The following PHF8 variants were observed in gnomAD, a reference collection of about 807,000 sequenced individuals.
The protein encoded by PHF8 is PHD finger protein 8, also known as histone lysine demethylase PHF8.
Under a neutral mutation model 74.4 loss-of-function variants are expected in PHF8, and 9 were observed. The observed-to-expected ratio is 0.12, with a 90% confidence interval of 0.07 to 0.21. The LOEUF is 0.21. PHF8 is among the 10% of genes least tolerant of loss of function. The probability of loss-of-function intolerance (pLI) is 1.00; values close to 1 mark genes in which losing one functional copy is unlikely to be tolerated. For synonymous variants in PHF8, 311 were observed against 316.6 expected (o/e 0.98, Z 0.19); for missense variants, 478 against 816.6 (o/e 0.59, Z 5.05).
At chrX:54,029,452 C>T (rs1198485575) in intron 2 of PHF8, among the ~76,000 whole-genome samples, 2 of 112,508 alleles carry the variant, frequency 1.8e-5, no homozygotes, top group East Asian at 5.5e-4. Flanking sequence ...ACTGCATAGC[C>T]CACTTACAAT....
chrX:54,004,639 A>G (rs1012063695), intron 8 of PHF8, among the ~76,000 whole-genome samples: 3 of 111,647 alleles, frequency 2.7e-5, no homozygotes, highest in Admixed American at 9.5e-5. Flanking sequence ...AATGAAAAGT[A>G]CTGTATCTGG....
At chrX:53,943,328 A>G (rs1557084106) in intron 20 of PHF8, 1 of 879,916 alleles carries the variant, frequency 1.1e-6, no homozygotes, top group Non-Finnish European at 1.6e-6. Context: ...GTTAGAGGAT[A>G]TGAGTTTGAG....
chrX:54,020,777 T>TAA (rs56114966), intron 4 of PHF8, among the ~76,000 whole-genome samples: 8 of 103,325 alleles, frequency 7.7e-5, no homozygotes, highest in South Asian at 4.1e-4. Flanking sequence ...TGAAAAGAAG[T>TAA]AAAAAAAAAA....
chrX:54,016,562 G>T (rs975203673), intron 6 of PHF8, 33 bp downstream of exon 6: 12 of 1,148,876 alleles, frequency 1.0e-5, no homozygotes, highest in Middle Eastern at 2.4e-4. Context: ...CAGGCACTTT[G>T]TCAGGTTTTT....
chrX:53,974,117 G>T (rs1418552109), intron 18 of PHF8, among the ~76,000 whole-genome samples: 1 of 110,464 alleles, frequency 9.1e-6, no homozygotes, highest in Non-Finnish European at 1.9e-5. Context: ...AAAATTAGCT[G>T]GGCGTGGTGG....
intron 14 of PHF8, among the ~76,000 whole-genome samples, chrX:53,989,117 C>T (rs1412742978): frequency 7.3e-5 from 8 of 109,997 alleles, no homozygotes; most frequent in Non-Finnish European, 1.1e-4. Context: ...CACCCACCAC[C>T]ATGTCTGGCT....
chrX:53,952,166 C>G (rs1296669698), intron 19 of PHF8, among the ~76,000 whole-genome samples: 1 of 109,733 alleles, frequency 9.1e-6, no homozygotes, highest in Non-Finnish European at 1.9e-5. Context: ...CACCTGTAAT[C>G]CCAGCTACTT....
chrX:53,967,246 C>T (rs1221871471), intron 18 of PHF8, among the ~76,000 whole-genome samples: 65 of 98,385 alleles, frequency 6.6e-4, no homozygotes, highest in Non-Finnish European at 1.1e-3. Flanking sequence ...CCCGGCCAGC[C>T]GCCCCGTCCG....
chrX:53,937,314 C>G lies in PHF8; in HGVS notation c.*1844G>C, dbSNP rs1557081979. 9.0e-6 allele frequency: 1 copy of G among 111,601 alleles called. No homozygotes were observed. The highest frequency in any genetic ancestry group is 3.8e-4 in the South Asian group (1 of 2,613). The allele number at this position is 111,601 out of a possible 1,213,427, so 9.2% of individuals were successfully genotyped here. A position where few individuals can be genotyped will look rare whatever the true frequency, so the allele number is the denominator to read the frequency against. Reference sequence around the variant, plus strand: ...ATCGGGGGGATTTGCTAGCAATTAGCTGCCTTTGAAAGATCAAGAAGGGGT... The same window carrying G: ...ATCGGGGGGATTTGCTAGCAATTAGGTGCCTTTGAAAGATCAAGAAGGGGT... On this transcript the variant is annotated 3_prime_UTR_variant, in exon 22 of 22. Transcript: ENST00000338154.
Position 54,016,754 on chromosome X carries a change from G to C in PHF8, c.455-18C>G. ...GTCAGAACCTGGAGTAAAGAGATAG[G>C]TTCTGCACCAAGTAGTCTCAGGGAC... On this transcript the variant is annotated intron_variant, in intron 5 of 21. Transcript: ENST00000338154. 1.7e-6 allele frequency: 2 copies of C among 1,188,155 alleles called. No homozygotes were observed. Among genetic ancestry groups the C allele is most frequent in the Non-Finnish European group, 2.3e-6 (2 of 874,378 alleles).
At chrX:54,030,268 T>C (rs782134991) in intron 2 of PHF8, among the ~76,000 whole-genome samples, 4 of 111,522 alleles carry the variant, frequency 3.6e-5, no homozygotes, top group Non-Finnish European at 7.5e-5. Flanking sequence ...CAACTCCTCA[T>C]ATCAGGGAGG....
chrX:54,027,372 T>G (rs1476596748), intron 2 of PHF8, among the ~76,000 whole-genome samples: 1 of 111,248 alleles, frequency 9.0e-6, no homozygotes, highest in Non-Finnish European at 1.9e-5. Flanking sequence ...AAGTAACAGC[T>G]GTACATGGTG....
intron 2 of PHF8, 48 bp downstream of exon 2, chrX:54,042,583 A>G: frequency 9.3e-7 from 1 of 1,074,629 alleles, no homozygotes; most frequent in Non-Finnish European, 1.3e-6. Context: ...AGAGCAAGTG[A>G]ACACACCTGG....
In PHF8 at chrX:54,044,214, G is replaced by T; in HGVS notation, c.-545C>A. 1.3e-6 allele frequency: 1 copy of T among 755,227 alleles called. No homozygotes were observed. Among genetic ancestry groups the T allele is most frequent in the Non-Finnish European group, 1.6e-6 (1 of 639,485 alleles). The allele number at this position is 755,227 out of a possible 1,213,427, so 62.2% of individuals were successfully genotyped here. On this transcript the variant is annotated 5_prime_UTR_variant, in exon 1 of 22. Transcript: ENST00000338154. ...AGTGGCGTCGTCGCTGGGCCGGCAGGAGATACTCGCGAGCAAACCAACGGG... is the reference window on the plus strand; with the variant it reads ...AGTGGCGTCGTCGCTGGGCCGGCAGTAGATACTCGCGAGCAAACCAACGGG...
chrX:53,937,958 G>T lies in PHF8; in HGVS notation c.*1200C>A. Reference sequence around the variant, plus strand: ...CGAAGGAAGGACAGGGGAAGGGGAGGATCGGATGGATGGTCTGCTCCTTCA... The same window carrying T: ...CGAAGGAAGGACAGGGGAAGGGGAGTATCGGATGGATGGTCTGCTCCTTCA... On this transcript the variant is annotated 3_prime_UTR_variant, in exon 22 of 22. Transcript: ENST00000338154. 2.6e-6 allele frequency: 3 copies of T among 1,134,875 alleles called. No individual in the cohort carries two copies. The highest frequency in any genetic ancestry group is 3.6e-6 in the Non-Finnish European group (3 of 844,784). The allele number at this position is 1,134,875 out of a possible 1,213,427, so 93.5% of individuals were successfully genotyped here.
chrX:53,995,740 T>G lies in PHF8; in HGVS notation c.1276A>C (p.Thr426Pro). 3 of 1,203,836 alleles carry G rather than the reference T, an allele frequency of 2.5e-6. No individual in the cohort carries two copies. Among genetic ancestry groups the G allele is most frequent in the Non-Finnish European group, 3.4e-6 (3 of 888,785 alleles). Residue 426 changes from threonine (T) to proline (P), a missense_variant, in exon 12 of 22, where the codon ACC (threonine) becomes CCC (proline). Coordinates refer to ENST00000338154, the MANE Select transcript of PHF8 (RefSeq NM_015107.3). ...GCCAGATCTTTAATGAGCTGTACGG[T>G]TCGCACTGTCTCCGGGATCTCATCC... ...HEDEIPETVR[T>P]VQLIKDLARE...
At chrX:53,950,794 C>T (rs781979605) in intron 19 of PHF8, among the ~76,000 whole-genome samples, 2 of 112,490 alleles carry the variant, frequency 1.8e-5, no homozygotes, top group African/African-American at 6.5e-5. Flanking sequence ...AGAGTGTTCT[C>T]TGAGGAGCAG....
chrX:54,018,285 C>T (rs782310562), intron 4 of PHF8, among the ~76,000 whole-genome samples: 64 of 110,936 alleles, frequency 5.8e-4, no homozygotes, highest in Non-Finnish European at 9.4e-4. Context: ...TTTCTAAACC[C>T]GTCTCCACAA....
chrX:53,962,970 G>T (rs782000950), intron 18 of PHF8, 31 bp from the exon 19 acceptor site: 11 of 897,746 alleles, frequency 1.2e-5, no homozygotes, highest in Non-Finnish European at 1.8e-5. Flanking sequence ...AGGGTAAAAT[G>T]AGATTTCATC....
Sources: allele counts gnomAD v4.1 joint callset (sites outside exome capture counted in the v4.1 genomes callset), GRCh38; gene constraint gnomAD v4.1.1; transcripts MANE v1.5; gene names NCBI Gene and HGNC (gene_info 2026-07-23, HGNC 2026-07-21).